AEBP2: variants seen among roughly 807,000 people sequenced by gnomAD.
AEBP2 encodes the protein AE binding protein 2.
Under a neutral mutation model 50.8 loss-of-function variants are expected in AEBP2, and 10 were observed. The ratio of observed to expected loss-of-function variants is 0.20; its 90% confidence interval spans 0.12 to 0.33. The LOEUF is 0.33. Ranked by LOEUF, AEBP2 falls within the 10% of genes least tolerant of loss-of-function variation. The pLI is 1.00. For missense variants in AEBP2, 570 were observed against 688.0 expected (o/e 0.83, Z 1.92); for synonymous variants, 296 against 261.3 (o/e 1.13, Z -1.28).
chr12:19,481,626 T>G (rs1948731382), intron 3 of AEBP2, among the ~76,000 whole-genome samples: 1 of 151,984 alleles, frequency 6.6e-6, no homozygotes, highest in African/African-American at 2.4e-5. Context: ...TTACAGGCAC[T>G]TGCCAACATG....
Position 19,457,629 on chromosome 12 carries a change from T to G in AEBP2, c.672-4881T>G. The G allele has an allele frequency of 2.1e-6, 3 of 1,440,714 alleles. No individual in the cohort carries two copies. In the South Asian group the frequency reaches 4.8e-5, roughly 23 times the overall value. 89.2% of individuals were successfully genotyped at this position (1,440,714 alleles called of 1,614,324 possible). A position where few individuals can be genotyped will look rare whatever the true frequency, so the allele number is the denominator to read the frequency against. On this transcript the variant is annotated intron_variant, in intron 1 of 7. Coordinates refer to ENST00000266508, the MANE Select transcript of AEBP2 (RefSeq NM_153207.5). ...GTGTCCAATGACGACAATGTGGATA[T>G]GAGTCTTTTCCTTTCCCATTTTGGC...
In AEBP2 at chr12:19,439,782, C is replaced by G. The variant is rs760844471; in HGVS notation, c.83C>G (p.Ala28Gly). ...CTGCCCCCCGGCAGCCCGGGTTCGG[C>G]GGCGCGGGGCCGGGCTGAGCCCCCC... The part of the protein sequence containing the change: ...SPLPPGSPGS[A>G]ARGRAEPPEE... Residue 28 changes from alanine (A) to glycine (G), a missense_variant, in exon 1 of 8, where the codon GCG (alanine) becomes GGG (glycine). Physicochemically the swap from Ala to Gly is moderately conservative, Grantham distance 60. Around this residue, in one of 2 missense-constraint regions of AEBP2, gnomAD observed 386 missense variants for 336.8 expected, o/e 1.15. Transcript: ENST00000266508. The G allele has an allele frequency of 2.0e-6, 3 of 1,514,292 alleles. No homozygotes were observed. The highest frequency in any genetic ancestry group is 2.6e-6 in the Non-Finnish European group (3 of 1,138,116). The allele number at this position is 1,514,292 out of a possible 1,614,324, so 93.8% of individuals were successfully genotyped here.
chr12:19,481,770 T>C (rs773804784), intron 3 of AEBP2, among the ~76,000 whole-genome samples: 16 of 152,228 alleles, frequency 1.1e-4, no homozygotes, highest in Admixed American at 2.0e-4. Context: ...TGAGCCACGG[T>C]GCCCAGCCTC....
chr12:19,453,784 A>G (rs1948211134), intron 1 of AEBP2, among the ~76,000 whole-genome samples: 1 of 151,722 alleles, frequency 6.6e-6, no homozygotes, highest in Admixed American at 6.6e-5. Context: ...CAGTTTTAGC[A>G]TCCAGTTTCT....
At chr12:19,443,445 A>C (rs1255745025) in intron 1 of AEBP2, among the ~76,000 whole-genome samples, 1 of 149,018 alleles carries the variant, frequency 6.7e-6, no homozygotes, top group Non-Finnish European at 1.5e-5. Flanking sequence ...TAGGCCGGGC[A>C]TGGTGGCTCA....
chr12:19,471,594 T>A (rs1351732734), intron 2 of AEBP2, among the ~76,000 whole-genome samples: 2 of 152,094 alleles, frequency 1.3e-5, no homozygotes, highest in African/African-American at 4.8e-5. Context: ...CTCCATCTCT[T>A]GGACTTAAGC....
At chr12:19,415,246 GA>G (rs2095741583) in intron 1 of AEBP2, among the ~76,000 whole-genome samples, 1 of 142,918 alleles carries the variant, frequency 7.0e-6, no homozygotes, top group Non-Finnish European at 1.5e-5. Context: ...CTGGAAGGCA[GA>G]GGTTGCAGTG....
At chr12:19,449,074 T>C (rs1005703542) in intron 1 of AEBP2, among the ~76,000 whole-genome samples, 2 of 152,196 alleles carry the variant, frequency 1.3e-5, no homozygotes, top group Non-Finnish European at 2.9e-5. Flanking sequence ...GAAATTGTTA[T>C]ATCAACATGT....
chr12:19,512,027 T>C (rs1209034745), intron 5 of AEBP2, among the ~76,000 whole-genome samples: 1 of 151,554 alleles, frequency 6.6e-6, no homozygotes, highest in African/African-American at 2.4e-5. Context: ...TGATTAGGGG[T>C]GAAAGTTTTT....
chr12:19,475,951 A>C (rs1000639382), intron 3 of AEBP2, among the ~76,000 whole-genome samples: 3 of 152,066 alleles, frequency 2.0e-5, no homozygotes, highest in African/African-American at 7.2e-5. Flanking sequence ...ATAGTTTGCA[A>C]ATATTTTCTC....
intron 4 of AEBP2, among the ~76,000 whole-genome samples, chr12:19,495,355 T>C (rs1447648629): frequency 6.6e-6 from 1 of 152,200 alleles, no homozygotes; most frequent in Non-Finnish European, 1.5e-5. Context: ...GATTGATTAG[T>C]ATAGACAAGA....
chr12:19,478,854 T>TA, intron 3 of AEBP2, among the ~76,000 whole-genome samples: 1 of 152,246 alleles, frequency 6.6e-6, no homozygotes, highest in East Asian at 1.9e-4. Flanking sequence ...TTAGATTTTT[T>TA]AAAAAATTTA....
intron 4 of AEBP2, among the ~76,000 whole-genome samples, chr12:19,496,494 T>C (rs1003801715): frequency 6.6e-6 from 1 of 152,194 alleles, no homozygotes; most frequent in Non-Finnish European, 1.5e-5. Flanking sequence ...CTGCTGCATT[T>C]CACTCTTTCT....
intron 5 of AEBP2, chr12:19,509,128 C>T: frequency 1.9e-6 from 1 of 521,578 alleles, no homozygotes. Context: ...AACATGTCAG[C>T]AGGGCCTGTG....
chr12:19,445,612 G>A (rs1177166160), intron 1 of AEBP2, among the ~76,000 whole-genome samples: 1 of 152,136 alleles, frequency 6.6e-6, no homozygotes, highest in African/African-American at 2.4e-5. Flanking sequence ...CAAATGAATT[G>A]ATAATAGCTA....
At chr12:19,514,407 A>G (rs1016016698) in intron 6 of AEBP2, among the ~76,000 whole-genome samples, 2 of 152,278 alleles carry the variant, frequency 1.3e-5, no homozygotes, top group Admixed American at 1.3e-4. Context: ...TGTTCTGACA[A>G]ATTTCTAATT....
Position 19,510,290 on chromosome 12 carries a change from A to G in AEBP2, c.1300-2108A>G, listed in dbSNP as rs1279848540. Among the ~76,000 whole-genome samples, 4 of 152,170 alleles carry G rather than the reference A, an allele frequency of 2.6e-5. No homozygotes were observed. The South Asian group carries it at 8.3e-4, about 32-fold the overall frequency. On this transcript the variant is annotated intron_variant, in intron 5 of 7. Coordinates refer to ENST00000266508, the MANE Select transcript of AEBP2 (RefSeq NM_153207.5). ...ATGGCAGTACGGTGTAATACATGCT[A>G]ATGTAGAGTAAGCACTCAGCATTTT...
intron 1 of AEBP2, among the ~76,000 whole-genome samples, chr12:19,415,670 A>ACAATG (rs1483649203): frequency 1.3e-5 from 2 of 149,064 alleles, no homozygotes; most frequent in Non-Finnish European, 3.0e-5. Flanking sequence ...ACAATACAAT[A>ACAATG]CAATACAATA....
At chr12:19,435,959 G>A (rs57210699), upstream of AEBP2, among the ~76,000 whole-genome samples, 1 of 152,112 alleles carries the variant, frequency 6.6e-6, no homozygotes, top group Non-Finnish European at 1.5e-5. Context: ...GACTCGCATC[G>A]TGAATACGGG....
Sources: allele counts gnomAD v4.1 joint callset (sites outside exome capture counted in the v4.1 genomes callset), GRCh38; gene constraint gnomAD v4.1.1; regional missense constraint gnomAD v4.1.1; transcripts MANE v1.5; gene names NCBI Gene and HGNC (gene_info 2026-07-23, HGNC 2026-07-21).